The following NPIPB2 variants were observed in gnomAD, a reference collection of about 807,000 sequenced individuals.
The protein encoded by NPIPB2 is nuclear pore complex-interacting protein family member B2.
Under a neutral mutation model 30.8 loss-of-function variants are expected in NPIPB2, and 27 were observed. The ratio of observed to expected loss-of-function variants is 0.88; its 90% CI spans 0.65 to 1.21. The LOEUF (loss-of-function observed/expected upper bound fraction) is 1.21. Ranked by LOEUF, NPIPB2 falls within the 50% of genes most tolerant of loss-of-function variation. The pLI is 0.00. For missense variants in NPIPB2, 440 were observed against 446.2 expected, an observed-to-expected ratio of 0.99 and a Z score of 0.13; for synonymous variants, 147 against 162.0, an observed-to-expected ratio of 0.91 and a Z score of 0.70.
intron 1 of NPIPB2, among the ~76,000 whole-genome samples, chr16:11,961,298 C>G (rs1448719908): frequency 6.6e-6 from 1 of 152,142 alleles, no homozygotes; most frequent in Admixed American, 6.6e-5. Flanking sequence ...CAGCTTCTCC[C>G]TGTCCTGCCT....
At chr16:11,955,231 A>G (rs1357209675) in intron 1 of NPIPB2, among the ~76,000 whole-genome samples, 6 of 151,550 alleles carry the variant, frequency 4.0e-5, no homozygotes. Flanking sequence ...GCACATGCCT[A>G]TAATCCCAGC....
intron 2 of NPIPB2, among the ~76,000 whole-genome samples, chr16:11,934,371 T>C (rs1238948283): frequency 2.0e-5 from 3 of 149,298 alleles, no homozygotes; most frequent in South Asian, 2.1e-4. Context: ...CTCACCAACA[T>C]GGAGAAACGC....
intron 1 of NPIPB2, among the ~76,000 whole-genome samples, chr16:11,972,018 C>T (rs530285374): frequency 6.6e-6 from 1 of 151,926 alleles, no homozygotes; most frequent in Admixed American, 6.6e-5. Flanking sequence ...TGGTGGCAGG[C>T]ACCTGTAATC....
upstream of NPIPB2, among the ~76,000 whole-genome samples, chr16:11,945,643 A>G (rs923201709): frequency 2.6e-5 from 4 of 152,050 alleles, no homozygotes; most frequent in Admixed American, 1.3e-4. Context: ...GTGCCAGTGC[A>G]ATCCAGCCTG....
intron 4 of NPIPB2, among the ~76,000 whole-genome samples, chr16:11,932,039 ACTGG>A (rs1567463909): frequency 1.3e-5 from 2 of 151,126 alleles, no homozygotes; most frequent in African/African-American, 4.8e-5. Flanking sequence ...ACTGAAGTCC[ACTGG>A]CTCTGGTTGA....
chr16:11,950,182 G>A (rs1378770796), intron 1 of NPIPB2, among the ~76,000 whole-genome samples: 2 of 152,072 alleles, frequency 1.3e-5, no homozygotes, highest in Non-Finnish European at 2.9e-5. Context: ...ACAGACACCT[G>A]CCACCACCCC....
At chr16:11,966,312 A>C (rs1257164580) in intron 1 of NPIPB2, 2 of 1,613,554 alleles carry the variant, frequency 1.2e-6, no homozygotes, top group Non-Finnish European at 1.7e-6. Flanking sequence ...ATAAACTCTG[A>C]ACCATTAAAG....
At chr16:11,968,055 C>T (rs201687396) in intron 1 of NPIPB2, 338 of 507,898 alleles carry the variant, frequency 6.7e-4, no homozygotes, top group East Asian at 1.6e-3. Context: ...TGATTAAACT[C>T]TTTTTTTTCC....
At chr16:11,947,315 T>TA (rs2055020670) in intron 1 of NPIPB2, among the ~76,000 whole-genome samples, 1 of 70,482 alleles carries the variant, frequency 1.4e-5, no homozygotes, top group East Asian at 3.4e-4. Flanking sequence ...TTTATTTATT[T>TA]ATTTATTTAT....
intron 1 of NPIPB2, among the ~76,000 whole-genome samples, chr16:11,950,821 G>C (rs768573498): frequency 6.6e-6 from 1 of 151,954 alleles, no homozygotes; most frequent in Non-Finnish European, 1.5e-5. Context: ...CTCTTTCTTC[G>C]TGGAATTTAC....
chr16:11,930,416 T>C (rs1248939533), intron 5 of NPIPB2, 34 bp downstream of exon 5: 1 of 1,526,716 alleles, frequency 6.6e-7, no homozygotes, highest in East Asian at 2.4e-5. Flanking sequence ...AATGGGCGTT[T>C]CCCAAGAGGG....
intron 1 of NPIPB2, among the ~76,000 whole-genome samples, chr16:11,957,204 G>A (rs1219906880): frequency 5.7e-5 from 8 of 141,450 alleles, no homozygotes; most frequent in South Asian, 2.2e-4. Flanking sequence ...TCACTCTGTC[G>A]CCCAGGCTGG....
intron 1 of NPIPB2, among the ~76,000 whole-genome samples, chr16:11,947,633 C>G (rs112560463): frequency 6.6e-6 from 1 of 151,592 alleles, no homozygotes; most frequent in South Asian, 2.1e-4. Context: ...CGTGAGCCAC[C>G]GCTCCTGGCC....
At chr16:11,974,764 G>A (rs1213995169) in intron 1 of NPIPB2, among the ~76,000 whole-genome samples, 1 of 151,996 alleles carries the variant, frequency 6.6e-6, no homozygotes, top group Non-Finnish European at 1.5e-5. Flanking sequence ...GTGTAAAATG[G>A]GACGAAACCC....
At chr16:11,934,589 G>A (rs1326986081) in intron 2 of NPIPB2, among the ~76,000 whole-genome samples, 10 of 150,854 alleles carry the variant, frequency 6.6e-5, no homozygotes, top group African/African-American at 1.5e-4. Context: ...GGCCAGGTGC[G>A]GTAGCTCACG....
At chr16:11,963,713 C>G (rs1431386400) in intron 1 of NPIPB2, among the ~76,000 whole-genome samples, 1 of 152,074 alleles carries the variant, frequency 6.6e-6, no homozygotes, top group Non-Finnish European at 1.5e-5. Flanking sequence ...CTGGACGTCT[C>G]TATATGGGTA....
At chr16:11,942,698 G>C (rs2054955943), upstream of NPIPB2, among the ~76,000 whole-genome samples, 1 of 151,278 alleles carries the variant, frequency 6.6e-6, no homozygotes, top group African/African-American at 2.4e-5. Flanking sequence ...AATACCCAGA[G>C]GGCTTGGCAG....
chr16:11,957,954 T>C (rs1009312089), intron 1 of NPIPB2, among the ~76,000 whole-genome samples: 1 of 152,202 alleles, frequency 6.6e-6, no homozygotes, highest in African/African-American at 2.4e-5. Context: ...TACTGATACT[T>C]AGATATTCCC....
chr16:11,973,636 C>T (rs59320000), intron 1 of NPIPB2, among the ~76,000 whole-genome samples: 16,772 of 152,094 alleles, frequency 0.11, 1,332 homozygotes, highest in Admixed American at 0.19. Flanking sequence ...GGTGCCATCT[C>T]GGCTCACTGC....
Sources: allele counts gnomAD v4.1 joint callset (sites outside exome capture counted in the v4.1 genomes callset), GRCh38; gene constraint gnomAD v4.1.1; transcripts MANE v1.5; gene names NCBI Gene and HGNC (gene_info 2026-07-23, HGNC 2026-07-21).